The following METTL9 variants were observed in gnomAD, a reference collection of about 807,000 sequenced individuals.
METTL9 encodes the protein methyltransferase 9, His-X-His N1(pi)-histidine.
Under a neutral mutation model 36.0 loss-of-function variants are expected in METTL9, and 10 were observed. That is an observed-to-expected ratio of 0.28 (90% CI 0.17 to 0.47). The LOEUF (loss-of-function observed/expected upper bound fraction) is 0.47. Among genes scored for constraint, METTL9 ranks in the 20% least tolerant of loss-of-function variants. METTL9 has a pLI of 0.99. For missense variants in METTL9, 246 were observed against 383.5 expected (o/e 0.64, Z 3.00); for synonymous variants, 175 against 149.7 (o/e 1.17, Z -1.23).
chr16:21,646,823 T>G, intron 4 of METTL9: 1 of 362,300 alleles, frequency 2.8e-6, no homozygotes, highest in Non-Finnish European at 5.4e-6. Flanking sequence ...GCGCGGCTAA[T>G]TTTTGTATTT....
At chr16:21,611,413 G>T (rs537845191) in intron 1 of METTL9, among the ~76,000 whole-genome samples, 2 of 152,252 alleles carry the variant, frequency 1.3e-5, no homozygotes, top group South Asian at 4.1e-4. Context: ...GCTGATAAAA[G>T]GTCGTATTTG....
At chr16:21,636,406 G>T (rs565376417) in intron 4 of METTL9, among the ~76,000 whole-genome samples, 39 of 152,284 alleles carry the variant, frequency 2.6e-4, no homozygotes, top group Non-Finnish European at 4.0e-4. Context: ...CCTCATAGGA[G>T]AAACTGGAAA....
chr16:21,652,879 T>C (rs746954782), intron 4 of METTL9: 1 of 358,548 alleles, frequency 2.8e-6, no homozygotes, highest in Non-Finnish European at 5.0e-6. Flanking sequence ...AGCACATATT[T>C]CCAGGAAGGA....
At chr16:21,643,069 C>CT (rs762795876) in intron 4 of METTL9, 6 of 1,585,274 alleles carry the variant, frequency 3.8e-6, no homozygotes, top group Non-Finnish European at 5.2e-6. Flanking sequence ...ACATTTTACA[C>CT]TTACAGATTG....
intron 4 of METTL9, chr16:21,653,591 A>G (rs1966634279): frequency 6.6e-6 from 1 of 152,318 alleles, no homozygotes; most frequent in African/African-American, 2.4e-5. Context: ...ACAGCCAGGA[A>G]GAATGCCTCA....
At chr16:21,647,140 C>T (rs1367529983) in intron 4 of METTL9, 1 of 1,614,072 alleles carries the variant, frequency 6.2e-7, no homozygotes, top group African/African-American at 1.3e-5. Context: ...GACCTCTTAC[C>T]ACCAGTGTGG....
intron 1 of METTL9, among the ~76,000 whole-genome samples, chr16:21,603,513 T>C (rs1343439974): frequency 1.3e-5 from 2 of 152,186 alleles, no homozygotes; most frequent in Non-Finnish European, 2.9e-5. Flanking sequence ...AGGCAGGCAG[T>C]GAGAAACTAG....
At chr16:21,644,268 C>T in intron 4 of METTL9, 1 of 1,482,922 alleles carries the variant, frequency 6.7e-7, no homozygotes, top group Non-Finnish European at 9.4e-7. Flanking sequence ...AGGGACATTC[C>T]ATGCAAGAGG....
chr16:21,599,643 C>T lies in METTL9; in HGVS notation c.-91C>T, dbSNP rs1965046547. On this transcript the variant is annotated 5_prime_UTR_variant, in exon 1 of 5. Transcript: ENST00000358154. This position sits in a 1 kb window ranked among gnomAD's most constrained non-coding sequence, Gnocchi z 4.4. Reference sequence around the variant, plus strand: ...CAAGGCGGCCGCGATGGCTCGAGCTCGGGCGGTGGCGGCGGTGGCCGGAGG... The same window carrying T: ...CAAGGCGGCCGCGATGGCTCGAGCTTGGGCGGTGGCGGCGGTGGCCGGAGG... The T allele has an allele frequency of 4.5e-6, 6 of 1,343,770 alleles. No homozygotes were observed. The highest frequency in any genetic ancestry group is 2.8e-4 in the Middle Eastern group (1 of 3,560). The allele number at this position is 1,343,770 out of a possible 1,614,324, so 83.2% of individuals were successfully genotyped here. A position where few individuals can be genotyped will look rare whatever the true frequency, so the allele number is the denominator to read the frequency against.
At chr16:21,598,657 C>G (rs11646401), upstream of METTL9, among the ~76,000 whole-genome samples, 48,763 of 152,052 alleles carry the variant, frequency 0.32, 9,270 homozygotes, top group Non-Finnish European at 0.44. Flanking sequence ...GTAACTAACC[C>G]TTCAGTTCTG....
chr16:21,634,348 C>G (rs562650977), intron 4 of METTL9, among the ~76,000 whole-genome samples: 4 of 152,262 alleles, frequency 2.6e-5, no homozygotes, highest in Non-Finnish European at 5.9e-5. Context: ...GGCTTCTGAC[C>G]CAGAGAACCT....
intron 4 of METTL9, among the ~76,000 whole-genome samples, chr16:21,642,786 T>C (rs1036295453): frequency 6.6e-6 from 1 of 152,234 alleles, no homozygotes; most frequent in African/African-American, 2.4e-5. Context: ...TTTTAATCTA[T>C]CCTTTTAAAG....
chr16:21,605,919 G>T lies in METTL9; in HGVS notation c.165+6021G>T, dbSNP rs76394659. Among the ~76,000 whole-genome samples, 1,352 of 152,274 alleles carry T rather than the reference G, an allele frequency of 8.9e-3. 48 individuals carry two copies. Among genetic ancestry groups the T allele is most frequent in the East Asian group, 0.083 (430 of 5,176 alleles). On this transcript the variant is annotated intron_variant, in intron 1 of 4. Transcript: ENST00000358154. Reference sequence around the variant, plus strand: ...CTGCCCTCACTTCAGAGGCCAGCTGGAAGTCCTGGGTTCCCAGGCTGCCAG... The same window carrying T: ...CTGCCCTCACTTCAGAGGCCAGCTGTAAGTCCTGGGTTCCCAGGCTGCCAG...
chr16:21,613,204 T>TTTTTTTTTTTTTTTTA (rs1965474965), intron 2 of METTL9, among the ~76,000 whole-genome samples: 2 of 124,590 alleles, frequency 1.6e-5, no homozygotes, highest in Admixed American at 8.8e-5. Flanking sequence ...TTTTTTTTTT[T>TTTTTTTTTTTTTTTTA]AAAGACAGTC....
At chr16:21,608,715 C>T (rs1965353764) in intron 1 of METTL9, among the ~76,000 whole-genome samples, 1 of 152,150 alleles carries the variant, frequency 6.6e-6, no homozygotes, top group African/African-American at 2.4e-5. Flanking sequence ...CTACAATGTG[C>T]AGGTCAGCCC....
chr16:21,597,224 G>C (rs1451218876), upstream of METTL9: 1 of 1,274,994 alleles, frequency 7.8e-7, no homozygotes, highest in Non-Finnish European at 1.0e-6. Context: ...AATTCAGGAG[G>C]CTCTCTGAGA....
intron 1 of METTL9, among the ~76,000 whole-genome samples, chr16:21,610,618 T>C (rs1020026815): frequency 6.6e-6 from 1 of 152,202 alleles, no homozygotes; most frequent in African/African-American, 2.4e-5. Context: ...TTAATGTTGA[T>C]GAATTGAGAA....
chr16:21,647,967 C>T (rs1049096972), intron 4 of METTL9, among the ~76,000 whole-genome samples: 15 of 152,130 alleles, frequency 9.9e-5, no homozygotes, highest in African/African-American at 3.6e-4. Context: ...TGAGCAGCAG[C>T]GATGTTTGTG....
chr16:21,642,957 T>G, intron 4 of METTL9: 1 of 631,462 alleles, frequency 1.6e-6, no homozygotes, highest in East Asian at 2.6e-5. Flanking sequence ...CTTGTGAAAG[T>G]TCTCTTTCAG....
Sources: allele counts gnomAD v4.1 joint callset (sites outside exome capture counted in the v4.1 genomes callset), GRCh38; gene constraint gnomAD v4.1.1; non-coding constraint Gnocchi (gnomAD v3.1); transcripts MANE v1.5; gene names NCBI Gene and HGNC (gene_info 2026-07-23, HGNC 2026-07-21).